Variants in PABPC4L observed in about 807,000 individuals in gnomAD.
PABPC4L encodes polyadenylate-binding protein 4-like.
For synonymous variants in PABPC4L, 169 were observed against 164.1 expected (o/e 1.03, Z -0.23); for missense variants, 452 against 451.4 (o/e 1.00, Z -0.01).
the PABPC4L span, among the ~76,000 whole-genome samples, chr4:134,086,389 A>T: frequency 6.6e-6 from 1 of 152,122 alleles, no homozygotes; most frequent in Non-Finnish European, 1.5e-5. Flanking sequence ...GGTTAAATGG[A>T]TGCATCATCT....
chr4:134,013,923 A>G, the PABPC4L span, among the ~76,000 whole-genome samples: 1 of 152,100 alleles, frequency 6.6e-6, no homozygotes, highest in African/African-American at 2.4e-5. Flanking sequence ...AGTCAGGCTT[A>G]CAGTTTCATT....
At chr4:133,979,918 A>G in the PABPC4L span, among the ~76,000 whole-genome samples, 2 of 152,212 alleles carry the variant, frequency 1.3e-5, no homozygotes, top group African/African-American at 4.8e-5. Flanking sequence ...TGTAGGCTAC[A>G]ATAATTCCCA....
At chr4:134,033,015 G>C in the PABPC4L span, among the ~76,000 whole-genome samples, 1 of 127,866 alleles carries the variant, frequency 7.8e-6, no homozygotes, top group East Asian at 3.0e-4. Flanking sequence ...CATGACACAA[G>C]TATCCTTTTT....
chr4:133,986,915 T>C, the PABPC4L span, among the ~76,000 whole-genome samples: 1 of 152,042 alleles, frequency 6.6e-6, no homozygotes, highest in Admixed American at 6.6e-5. Flanking sequence ...TTTGCATTTT[T>C]AGTAGAGATG....
chr4:134,131,645 A>G, the PABPC4L span, among the ~76,000 whole-genome samples: 1 of 135,806 alleles, frequency 7.4e-6, no homozygotes, highest in South Asian at 2.5e-4. Context: ...ATTTGATGCA[A>G]TTTGCATCAA....
At chr4:134,187,330 TG>T in the PABPC4L span, among the ~76,000 whole-genome samples, 3 of 152,146 alleles carry the variant, frequency 2.0e-5, no homozygotes, top group South Asian at 6.2e-4. Flanking sequence ...TAAGAAAATT[TG>T]GCACATATAC....
the PABPC4L span, among the ~76,000 whole-genome samples, chr4:134,044,599 A>T: frequency 6.6e-6 from 1 of 152,116 alleles, no homozygotes; most frequent in Admixed American, 6.6e-5. Flanking sequence ...CACCACCACT[A>T]ATTTTAGACA....
the PABPC4L span, among the ~76,000 whole-genome samples, chr4:134,031,412 G>A: frequency 7.2e-4 from 109 of 151,804 alleles, 4 homozygotes; most frequent in Non-Finnish European, 1.1e-3. Flanking sequence ...ATTTTCATCT[G>A]GTACCTTGAC....
the PABPC4L span, among the ~76,000 whole-genome samples, chr4:134,141,310 T>C: frequency 6.6e-6 from 1 of 151,008 alleles, no homozygotes; most frequent in East Asian, 2.0e-4. Flanking sequence ...AGAGAACTGG[T>C]AAGCAAAATT....
rs975004879 is a variant in PABPC4L, at chr4:134,198,739, T to G, written c.*1168A>C. ...TCCTTTAGAAAGTATTTTAAAAAGC[T>G]GAGGAATATAGATGAAAGGCAGGAG... On this transcript the variant is annotated 3_prime_UTR_variant, in exon 2 of 2. Transcript: ENST00000421491. 4 of 151,854 alleles carry G rather than the reference T, an allele frequency of 2.6e-5. No homozygotes were observed. The highest frequency in any genetic ancestry group is 2.1e-4 in the South Asian group (1 of 4,826). The allele number at this position is 151,854 out of a possible 1,614,324, so 9.4% of individuals were successfully genotyped here. A position where few individuals can be genotyped will look rare whatever the true frequency, so the allele number is the denominator to read the frequency against.
the PABPC4L span, among the ~76,000 whole-genome samples, chr4:134,169,145 A>G: frequency 6.6e-6 from 1 of 152,142 alleles, no homozygotes; most frequent in Non-Finnish European, 1.5e-5. Context: ...GGATGAGTCA[A>G]CATATGCAAA....
chr4:134,164,104 A>T, the PABPC4L span, among the ~76,000 whole-genome samples: 12 of 151,016 alleles, frequency 7.9e-5, no homozygotes, highest in Non-Finnish European at 5.9e-5. Context: ...TCTACTAAAA[A>T]TACAAAAAAT....
chr4:134,009,234 C>T, the PABPC4L span, among the ~76,000 whole-genome samples: 3 of 151,876 alleles, frequency 2.0e-5, no homozygotes, highest in African/African-American at 7.2e-5. Context: ...AATTCAGGAG[C>T]AACTAAATTT....
chr4:134,105,178 C>A, the PABPC4L span, among the ~76,000 whole-genome samples: 1 of 151,590 alleles, frequency 6.6e-6, no homozygotes, highest in South Asian at 2.1e-4. Flanking sequence ...AAATCAAATG[C>A]AAATATCATC....
chr4:133,951,828 G>T, the PABPC4L span, among the ~76,000 whole-genome samples: 2 of 151,888 alleles, frequency 1.3e-5, no homozygotes, highest in Non-Finnish European at 2.9e-5. Context: ...TTAAAATACA[G>T]AATCTTTTTC....
the PABPC4L span, among the ~76,000 whole-genome samples, chr4:134,135,559 A>T: frequency 1.3e-5 from 2 of 152,114 alleles, no homozygotes; most frequent in Non-Finnish European, 2.9e-5. Context: ...CACAGCCGGT[A>T]TGGTGGCTCA....
the PABPC4L span, among the ~76,000 whole-genome samples, chr4:134,155,318 A>T: frequency 6.6e-6 from 1 of 151,796 alleles, no homozygotes; most frequent in South Asian, 2.1e-4. Context: ...ACAAACTCTG[A>T]TAATAGGTTG....
the PABPC4L span, among the ~76,000 whole-genome samples, chr4:134,096,217 C>T: frequency 4.9e-4 from 75 of 151,730 alleles, 1 homozygote; most frequent in South Asian, 0.015. Context: ...GAAGAAATGT[C>T]GGTTTTTTTC....
At chr4:134,075,828 C>T in the PABPC4L span, among the ~76,000 whole-genome samples, 277 of 152,158 alleles carry the variant, frequency 1.8e-3, 1 homozygote, top group African/African-American at 6.3e-3. Flanking sequence ...ATGCTGTCCT[C>T]GTGGGTACTC....
Sources: gnomAD v4.1 joint callset for allele counts (sites outside exome capture counted in the v4.1 genomes callset) on GRCh38, gnomAD v4.1.1 for gene constraint, MANE v1.5 for transcripts, NCBI Gene and HGNC (gene_info 2026-07-23, HGNC 2026-07-21) for gene names.